The following PTPN21 variants were observed in gnomAD, a reference collection of about 807,000 sequenced individuals.
PTPN21 encodes tyrosine-protein phosphatase non-receptor type 21.
A neutral mutation model predicts 131.8 loss-of-function variants in PTPN21; 77 were observed. The ratio of observed to expected loss-of-function variants is 0.58; its 90% CI spans 0.49 to 0.71. PTPN21 has a LOEUF of 0.71. Among genes scored for constraint, PTPN21 ranks in the 30% least tolerant of loss-of-function variants. The pLI, the probability that PTPN21 is intolerant of heterozygous loss-of-function variation, is 0.00. For synonymous variants in PTPN21, 715 were observed against 621.3 expected (o/e 1.15, Z -2.24); for missense variants, 1,552 against 1,527.1 (o/e 1.02, Z -0.27).
chr14:88,530,958 C>T (rs2078548710), intron 2 of PTPN21, among the ~76,000 whole-genome samples: 1 of 152,130 alleles, frequency 6.6e-6, no homozygotes, highest in Admixed American at 6.6e-5. Flanking sequence ...ATTTACAGAA[C>T]ATTCTACCCA....
chr14:88,528,984 A>T (rs1416909188), intron 2 of PTPN21, among the ~76,000 whole-genome samples: 1 of 151,930 alleles, frequency 6.6e-6, no homozygotes, highest in African/African-American at 2.4e-5. Flanking sequence ...CTCTTGTCTG[A>T]TTGCTCTGGA....
chr14:88,522,784 GCTCT>G (rs1190852273), intron 2 of PTPN21, among the ~76,000 whole-genome samples: 1 of 152,058 alleles, frequency 6.6e-6, no homozygotes, highest in Non-Finnish European at 1.5e-5. Context: ...TGGATTGAAT[GCTCT>G]CTTAGAATTT....
intron 2 of PTPN21, among the ~76,000 whole-genome samples, chr14:88,525,813 T>C (rs570196300): frequency 7.2e-5 from 11 of 152,284 alleles, no homozygotes; most frequent in Admixed American, 2.0e-4. Flanking sequence ...TGTCCATCAA[T>C]AGATGAATGG....
intron 13 of PTPN21, among the ~76,000 whole-genome samples, chr14:88,477,446 T>TCAAAAAAAAAAAAAA (rs369022409): frequency 2.6e-5 from 2 of 76,358 alleles, no homozygotes; most frequent in African/African-American, 9.0e-5. Flanking sequence ...AAGACTGTTC[T>TCAAAAAAAAAAAAAA]AAAAAAAAAA....
chr14:88,548,926 C>T (rs954190289), intron 2 of PTPN21, among the ~76,000 whole-genome samples: 1 of 152,168 alleles, frequency 6.6e-6, no homozygotes, highest in Non-Finnish European at 1.5e-5. Context: ...GTTAGCAGAG[C>T]TTACAACCTT....
At chr14:88,540,980 T>G (rs1018414136) in intron 2 of PTPN21, among the ~76,000 whole-genome samples, 1 of 152,196 alleles carries the variant, frequency 6.6e-6, no homozygotes, top group African/African-American at 2.4e-5. Flanking sequence ...TGTTTTTAGA[T>G]TCACATGAGC....
At chr14:88,540,507 C>G (rs1566852036) in intron 2 of PTPN21, among the ~76,000 whole-genome samples, 1 of 152,206 alleles carries the variant, frequency 6.6e-6, no homozygotes, top group Admixed American at 6.5e-5. Context: ...AGCACCAAAA[C>G]TTTACCTCTT....
Position 88,550,386 on chromosome 14 carries a change from C to G in PTPN21, c.32G>C (p.Arg11Pro). The G allele has an allele frequency of 6.2e-7, 1 of 1,613,892 alleles. No individual in the cohort carries two copies. Among genetic ancestry groups the G allele is most frequent in the East Asian group, 2.2e-5 (1 of 44,882 alleles). Residue 11 changes from arginine (R) to proline (P), a missense_variant, in exon 2 of 19, where the codon CGC (arginine) becomes CCC (proline). Around this residue, in one of 4 missense-constraint regions of PTPN21, gnomAD observed 206 missense variants for 221.6 expected, o/e 0.93. Transcript: ENST00000556564. ...GCTGGACACCGTGTAGCGCCGGGTGCGTTTCAGTTTCAACCCAAATGGCAG... is the reference window on the plus strand; with the variant it reads ...GCTGGACACCGTGTAGCGCCGGGTGGGTTTCAGTTTCAACCCAAATGGCAG... MPLPFGLKLK[R>P]TRRYTVSSKS...
At chr14:88,536,016 G>A (rs767545771) in intron 2 of PTPN21, among the ~76,000 whole-genome samples, 3 of 152,154 alleles carry the variant, frequency 2.0e-5, no homozygotes, top group African/African-American at 4.8e-5. Flanking sequence ...TGCTTTTCCT[G>A]ATAAGAAACT....
In PTPN21 at chr14:88,480,060, C is replaced by T; in HGVS notation, c.1371G>A (p.Gln457=). The T allele has an allele frequency of 6.2e-7, 1 of 1,614,086 alleles. No individual in the cohort carries two copies. The highest frequency in any genetic ancestry group is 8.5e-7 in the Non-Finnish European group (1 of 1,180,034). ...CCGCATGCACCAGGCCCCTGTTGAGCTGCTTCATCACAGTCTCATAGTCTG... is the reference window on the plus strand; with the variant it reads ...CCGCATGCACCAGGCCCCTGTTGAGTTGCTTCATCACAGTCTCATAGTCTG... ...PTPDYETVMK[Q]LNRGLVHAER... Residue 457 remains glutamine (Q), a synonymous_variant, in exon 13 of 19, where the codon CAG becomes CAA. Coordinates refer to ENST00000556564, the MANE Select transcript of PTPN21 (RefSeq NM_007039.4).
At chr14:88,500,930 TAGAG>T in intron 7 of PTPN21, 59 bp from the exon 8 acceptor site, 1 of 1,211,490 alleles carries the variant, frequency 8.3e-7, no homozygotes, top group Non-Finnish European at 1.2e-6. Context: ...GAACTGCTGC[TAGAG>T]TTCCCTGGAC....
chr14:88,541,026 T>C (rs1027934259), intron 2 of PTPN21, among the ~76,000 whole-genome samples: 18 of 152,214 alleles, frequency 1.2e-4, no homozygotes, highest in African/African-American at 4.1e-4. Context: ...TATATTTTCT[T>C]AGCCTGAGTA....
intron 2 of PTPN21, among the ~76,000 whole-genome samples, chr14:88,521,066 T>C (rs772914162): frequency 4.6e-5 from 7 of 151,792 alleles, no homozygotes; most frequent in Non-Finnish European, 8.8e-5. Flanking sequence ...AGGCTGATCT[T>C]AAACTGGCTT....
chr14:88,517,001 T>A (rs1167643354), intron 3 of PTPN21, 91 bp downstream of exon 3: 2 of 1,458,888 alleles, frequency 1.4e-6, no homozygotes, highest in Non-Finnish European at 1.9e-6. Context: ...GAGGGCAAAG[T>A]TTCAAACTTA....
chr14:88,475,524 AAG>A (rs1391901046), intron 13 of PTPN21, among the ~76,000 whole-genome samples: 3 of 152,184 alleles, frequency 2.0e-5, no homozygotes, highest in Non-Finnish European at 4.4e-5. Context: ...CCTAGACAGA[AAG>A]AGACAGATAT....
rs773489469 is a variant in PTPN21, at chr14:88,479,003, G to A, written c.2428C>T (p.Arg810Trp). The A allele has an allele frequency of 5.0e-6, 8 of 1,600,006 alleles. No individual in the cohort carries two copies. Among genetic ancestry groups the A allele is most frequent in the East Asian group, 2.3e-5 (1 of 44,128 alleles). The change falls in exon 13 of 19, where the codon CGG becomes TGG. Residue 810 changes from arginine to tryptophan, a missense_variant. Arg to Trp is a moderately radical substitution (Grantham distance 101). Transcript: ENST00000556564. ...DLTTSGRYRARRDSLKKRPVS... is the reference protein window; with the variant it reads ...DLTTSGRYRAWRDSLKKRPVS... ...GGCCTTTTCTTCAGAGAGTCCCTCCGGGCTCGGTAGCGGCCTGACGTGGTG... is the reference window on the plus strand; with the variant it reads ...GGCCTTTTCTTCAGAGAGTCCCTCCAGGCTCGGTAGCGGCCTGACGTGGTG...
chr14:88,551,952 G>T (rs1158756162), intron 1 of PTPN21: 1 of 152,232 alleles, frequency 6.6e-6, no homozygotes, highest in Non-Finnish European at 1.5e-5. Flanking sequence ...CAAAATCCCG[G>T]ACATTTCCAG....
intron 15 of PTPN21, among the ~76,000 whole-genome samples, chr14:88,471,589 C>A (rs926112304): frequency 3.1e-5 from 1 of 32,196 alleles, no homozygotes; most frequent in African/African-American, 6.6e-5. Context: ...GAAAAAAGCA[C>A]TTCTTCAAAG....
Position 88,504,440 on chromosome 14 carries a change from A to C in PTPN21, c.572T>G (p.Leu191Arg). The C allele has an allele frequency of 2.5e-6, 4 of 1,610,044 alleles. No individual in the cohort carries two copies. The highest frequency in any genetic ancestry group is 3.4e-6 in the Non-Finnish European group (4 of 1,176,298). ...LEEATQKVAL[L>R]HQKYRGLTAP... Reference sequence around the variant, plus strand: ...TTAGAGTTACCTGTATTTCTGATGTAGTAAGGCCACTTTTTGGGTTGCTTC... The same window carrying C: ...TTAGAGTTACCTGTATTTCTGATGTCGTAAGGCCACTTTTTGGGTTGCTTC... Residue 191 changes from leucine (L) to arginine (R), a missense_variant, in exon 6 of 19, where the codon CTA becomes CGA. Coordinates refer to ENST00000556564, the MANE Select transcript of PTPN21 (RefSeq NM_007039.4).
Sources: gnomAD v4.1 joint callset for allele counts (sites outside exome capture counted in the v4.1 genomes callset) on GRCh38, gnomAD v4.1.1 for gene constraint, gnomAD v4.1.1 regional missense constraint, MANE v1.5 for transcripts, NCBI Gene and HGNC (gene_info 2026-07-23, HGNC 2026-07-21) for gene names.